The following C12orf42 variants were observed in gnomAD, a reference collection of about 807,000 sequenced individuals.
C12orf42 encodes chromosome 12 open reading frame 42, also known as uncharacterized protein C12orf42.
A neutral mutation model predicts 21.6 loss-of-function variants in C12orf42; 25 were observed. The observed-to-expected ratio is 1.16, with a 90% CI of 0.84 to 1.62. C12orf42 has a LOEUF of 1.62. C12orf42 is among the 40% of genes most tolerant of loss of function. C12orf42 has a pLI of 0.00. For synonymous variants in C12orf42, 174 were observed against 175.0 expected (o/e 0.99, Z 0.05); for missense variants, 483 against 459.3 (o/e 1.05, Z -0.47).
the C12orf42 span, among the ~76,000 whole-genome samples, chr12:103,121,469 C>T: frequency 6.6e-6 from 1 of 152,166 alleles, no homozygotes; most frequent in Non-Finnish European, 1.5e-5. Flanking sequence ...AATCCAGGAA[C>T]ACGGAGATGA....
At chr12:103,334,125 C>T (rs78554694) in intron 4 of C12orf42, among the ~76,000 whole-genome samples, 1,659 of 152,200 alleles carry the variant, frequency 0.011, 28 homozygotes, top group African/African-American at 0.037. Flanking sequence ...ATGTAAAATC[C>T]GAAAAGCATC....
chr12:103,315,554 A>T (rs2039385973), intron 4 of C12orf42, among the ~76,000 whole-genome samples: 1 of 152,192 alleles, frequency 6.6e-6, no homozygotes, highest in Non-Finnish European at 1.5e-5. Flanking sequence ...AACATACAAG[A>T]ACTGTGGGAC....
At chr12:103,356,306 T>G (rs933389977) in intron 4 of C12orf42, among the ~76,000 whole-genome samples, 1 of 152,120 alleles carries the variant, frequency 6.6e-6, no homozygotes, top group Non-Finnish European at 1.5e-5. Flanking sequence ...AACAGGAACC[T>G]TTTTAAACAT....
chr12:103,245,448 T>C (rs2033964374), intron 10 of C12orf42, among the ~76,000 whole-genome samples: 1 of 152,086 alleles, frequency 6.6e-6, no homozygotes, highest in Non-Finnish European at 1.5e-5. Context: ...GGCAAGTCAA[T>C]TAACTTTTCT....
At chr12:103,437,214 A>G (rs1356863317) in intron 2 of C12orf42, among the ~76,000 whole-genome samples, 10 of 152,212 alleles carry the variant, frequency 6.6e-5, no homozygotes, top group Non-Finnish European at 1.0e-4. Flanking sequence ...CAGCGAGAAC[A>G]AAGACACAAC....
the C12orf42 span, among the ~76,000 whole-genome samples, chr12:103,541,035 C>T: frequency 6.6e-6 from 1 of 152,066 alleles, no homozygotes; most frequent in Non-Finnish European, 1.5e-5. Context: ...TCCCGAGTAG[C>T]TGGGATTATA....
chr12:103,419,841 T>A (rs1470836734), intron 2 of C12orf42, among the ~76,000 whole-genome samples: 1 of 152,158 alleles, frequency 6.6e-6, no homozygotes, highest in Non-Finnish European at 1.5e-5. Flanking sequence ...TTGCCTCCAG[T>A]TTCAGTCAAG....
intron 3 of C12orf42, among the ~76,000 whole-genome samples, chr12:103,392,643 C>T (rs565891778): frequency 1.2e-4 from 19 of 152,260 alleles, no homozygotes; most frequent in Middle Eastern, 6.8e-3. Context: ...ATTGCTAGTG[C>T]ATAGACACAC....
chr12:103,192,273 G>C, the C12orf42 span, among the ~76,000 whole-genome samples: 2 of 152,062 alleles, frequency 1.3e-5, no homozygotes, highest in African/African-American at 4.8e-5. Context: ...GGGAGACTGA[G>C]GTGGGCCGAT....
At chr12:103,252,741 C>T (rs1434512223) in intron 10 of C12orf42, among the ~76,000 whole-genome samples, 1 of 151,888 alleles carries the variant, frequency 6.6e-6, no homozygotes, top group African/African-American at 2.4e-5. Flanking sequence ...CCATTCTACC[C>T]AACAGGTAGG....
the C12orf42 span, among the ~76,000 whole-genome samples, chr12:103,101,782 G>A: frequency 2.6e-5 from 4 of 152,200 alleles, no homozygotes; most frequent in Admixed American, 1.3e-4. Flanking sequence ...AATTTGGGCT[G>A]GGTTCAACAA....
chr12:103,303,179 G>A (rs969378730), intron 5 of C12orf42, among the ~76,000 whole-genome samples: 3 of 151,926 alleles, frequency 2.0e-5, no homozygotes, highest in Non-Finnish European at 2.9e-5. Context: ...TTTGCCCAAC[G>A]AAATAATTTT....
chr12:103,160,594 A>G, the C12orf42 span, among the ~76,000 whole-genome samples: 1 of 152,178 alleles, frequency 6.6e-6, no homozygotes, highest in African/African-American at 2.4e-5. Context: ...GACTACAGCA[A>G]TTGCAGGCTG....
the C12orf42 span, among the ~76,000 whole-genome samples, chr12:103,516,587 G>C: frequency 6.6e-6 from 1 of 152,146 alleles, no homozygotes. Flanking sequence ...GAGAAGAGCA[G>C]GGGAAACTAC....
intron 2 of C12orf42, among the ~76,000 whole-genome samples, chr12:103,448,205 T>C (rs532544051): frequency 9.2e-5 from 14 of 152,114 alleles, no homozygotes; most frequent in Non-Finnish European, 1.9e-4. Flanking sequence ...GGATACCCTA[T>C]TCAACAAATG....
At chr12:103,401,463 T>G in intron 3 of C12orf42, 144 bp downstream of exon 3, 1 of 716,362 alleles carries the variant, frequency 1.4e-6, no homozygotes, top group Non-Finnish European at 2.4e-6. Flanking sequence ...CTTTTAACAT[T>G]CTTCTTATTT....
At chr12:103,128,711 T>C in the C12orf42 span, among the ~76,000 whole-genome samples, 1 of 152,196 alleles carries the variant, frequency 6.6e-6, no homozygotes, top group Non-Finnish European at 1.5e-5. Context: ...AGGCACTCAA[T>C]ACATGGAGTG....
At chr12:103,079,008 C>A in the C12orf42 span, among the ~76,000 whole-genome samples, 1 of 152,104 alleles carries the variant, frequency 6.6e-6, no homozygotes, top group East Asian at 1.9e-4. Flanking sequence ...ATGTTGCTCC[C>A]AGATGGGTTG....
intron 4 of C12orf42, among the ~76,000 whole-genome samples, chr12:103,327,239 G>A (rs1390327259): frequency 6.6e-6 from 1 of 152,152 alleles, no homozygotes; most frequent in Non-Finnish European, 1.5e-5. Flanking sequence ...GTGAACGAGA[G>A]TACAGCTTTT....
Sources: gnomAD v4.1 joint callset for allele counts (sites outside exome capture counted in the v4.1 genomes callset) on GRCh38, gnomAD v4.1.1 for gene constraint, MANE v1.5 for transcripts, NCBI Gene and HGNC (gene_info 2026-07-23, HGNC 2026-07-21) for gene names.